Variants in VTI1A observed in about 807,000 individuals in gnomAD.
VTI1A encodes vesicle transport through interaction with t-SNAREs 1A.
A neutral mutation model predicts 34.9 loss-of-function variants in VTI1A; 22 were observed. That is an observed-to-expected ratio of 0.63 (90% CI 0.45 to 0.90). The LOEUF is 0.90. Ranked by LOEUF, VTI1A falls within the 40% of genes least tolerant of loss-of-function variation. VTI1A has a pLI of 0.00. For synonymous variants in VTI1A, 87 were observed against 97.3 expected (o/e 0.89, Z 0.62); for missense variants, 268 against 275.6 (o/e 0.97, Z 0.20).
At chr10:112,527,215 T>C in intron 4 of VTI1A, 51 bp downstream of exon 4, 10 of 1,527,192 alleles carry the variant, frequency 6.5e-6, no homozygotes, top group Non-Finnish European at 8.2e-6. Flanking sequence ...GTGAAGGAGG[T>C]CACTGGCGCA....
At chr10:112,674,400 T>C (rs972350693) in intron 7 of VTI1A, among the ~76,000 whole-genome samples, 6 of 152,224 alleles carry the variant, frequency 3.9e-5, no homozygotes, top group Non-Finnish European at 7.3e-5. Context: ...TTTGTGTGCA[T>C]AAGTTTATTT....
intron 5 of VTI1A, among the ~76,000 whole-genome samples, chr10:112,564,678 A>G (rs1851848464): frequency 6.6e-6 from 1 of 152,068 alleles, no homozygotes; most frequent in South Asian, 2.1e-4. Flanking sequence ...TTAGCAGCCA[A>G]CTCTGCATGA....
chr10:112,806,422 A>T (rs1237133089), intron 7 of VTI1A, among the ~76,000 whole-genome samples: 2 of 151,944 alleles, frequency 1.3e-5, no homozygotes, highest in African/African-American at 4.8e-5. Context: ...AGGAGCTGGG[A>T]CTACAGGCAC....
the VTI1A span, among the ~76,000 whole-genome samples, chr10:112,849,556 G>C: frequency 6.6e-6 from 1 of 152,222 alleles, no homozygotes. Context: ...CGATGATGGA[G>C]GGCTCTGCCT....
At chr10:112,454,484 C>T (rs1847356126) in intron 1 of VTI1A, among the ~76,000 whole-genome samples, 1 of 152,144 alleles carries the variant, frequency 6.6e-6, no homozygotes, top group East Asian at 1.9e-4. Context: ...CACCTGTCAT[C>T]CCAGCTACTC....
At chr10:112,607,515 C>T (rs1024586425) in intron 5 of VTI1A, among the ~76,000 whole-genome samples, 8 of 152,168 alleles carry the variant, frequency 5.3e-5, no homozygotes, top group Admixed American at 2.6e-4. Flanking sequence ...AGCACAGTGC[C>T]TGGCCTAAAA....
chr10:112,660,575 T>G (rs893546123), intron 5 of VTI1A, among the ~76,000 whole-genome samples: 1 of 152,222 alleles, frequency 6.6e-6, no homozygotes, highest in Non-Finnish European at 1.5e-5. Flanking sequence ...TTGGAGATCA[T>G]TTTAGAGTTG....
chr10:112,702,892 T>C (rs1444806171), intron 7 of VTI1A, among the ~76,000 whole-genome samples: 1 of 152,208 alleles, frequency 6.6e-6, no homozygotes, highest in Non-Finnish European at 1.5e-5. Flanking sequence ...GGCTCTGCCC[T>C]ATTTTTTAAC....
chr10:112,702,560 C>T (rs1289145959), intron 7 of VTI1A, among the ~76,000 whole-genome samples: 1 of 151,948 alleles, frequency 6.6e-6, no homozygotes, highest in Admixed American at 6.6e-5. Context: ...GCTGGGATTA[C>T]AGGCGTGTGC....
At chr10:112,552,676 T>C (rs1851402649) in intron 5 of VTI1A, among the ~76,000 whole-genome samples, 1 of 152,168 alleles carries the variant, frequency 6.6e-6, no homozygotes, top group Non-Finnish European at 1.5e-5. Context: ...ATTGCCTCAC[T>C]GATACTGCCT....
At chr10:112,652,607 G>T (rs1402812146) in intron 5 of VTI1A, among the ~76,000 whole-genome samples, 1 of 151,800 alleles carries the variant, frequency 6.6e-6, no homozygotes, top group Non-Finnish European at 1.5e-5. Context: ...TTCACTTGTG[G>T]TCCCAGCTAC....
chr10:112,702,807 A>C lies in VTI1A; in HGVS notation c.560+33809A>C, dbSNP rs568897548. ...CACCATATTGGCCAGGCTGGTGTTG[A>C]ACTCCTAGGCTCAATGGATCCACCC... On this transcript the variant is annotated intron_variant, in intron 7 of 7. Transcript: ENST00000393077. Among the ~76,000 whole-genome samples the C allele has an allele frequency of 1.7e-4, 26 of 152,290 alleles. 1 individual carries two copies. The South Asian group carries it at 5.2e-3, about 30-fold the overall frequency.
intron 5 of VTI1A, among the ~76,000 whole-genome samples, chr10:112,572,795 C>T (rs914606690): frequency 6.0e-5 from 9 of 149,742 alleles, no homozygotes; most frequent in African/African-American, 2.0e-4. Flanking sequence ...GCCGAGATCG[C>T]GCCACTACAC....
At chr10:112,495,631 A>G (rs897978547) in intron 3 of VTI1A, among the ~76,000 whole-genome samples, 7 of 152,212 alleles carry the variant, frequency 4.6e-5, no homozygotes, top group African/African-American at 1.4e-4. Context: ...AGTTCAGAAG[A>G]GAGTTAAATA....
At chr10:112,518,547 TTCTCTCTCTCTCTCTCTCTCTCTC>T (rs57853028) in intron 3 of VTI1A, among the ~76,000 whole-genome samples, 5 of 101,532 alleles carry the variant, frequency 4.9e-5, no homozygotes, top group African/African-American at 1.2e-4. Context: ...TCATATCTCT[TTCTCTCTCTCTCTCTCTCTCTCTC>T]TCTCTCTCTC....
At chr10:112,728,515 A>G (rs1262725596) in intron 7 of VTI1A, among the ~76,000 whole-genome samples, 4 of 152,228 alleles carry the variant, frequency 2.6e-5, no homozygotes, top group Non-Finnish European at 5.9e-5. Context: ...GAAATGCACA[A>G]TAGCTAAAGT....
downstream of VTI1A, among the ~76,000 whole-genome samples, chr10:112,823,172 C>T (rs1853684800): frequency 6.6e-6 from 1 of 152,212 alleles, no homozygotes; most frequent in African/African-American, 2.4e-5. Flanking sequence ...GCAAAGGAGC[C>T]CCGCTGAGGC....
chr10:112,701,735 G>A (rs917673710), intron 7 of VTI1A, among the ~76,000 whole-genome samples: 5 of 152,092 alleles, frequency 3.3e-5, no homozygotes, highest in Admixed American at 2.6e-4. Context: ...CAGTCCTAGG[G>A]GAATGTTGGT....
rs150423906 is a variant in VTI1A, at chr10:112,818,380, A to T, written c.*2997A>T. The T allele has an allele frequency of 4.3e-6, 1 of 232,878 alleles. No homozygotes were observed. The highest frequency in any genetic ancestry group is 2.2e-5 in the African/African-American group (1 of 45,436). 14.4% of individuals were successfully genotyped at this position (232,878 alleles called of 1,614,324 possible). A position where few individuals can be genotyped will look rare whatever the true frequency, so the allele number is the denominator to read the frequency against. On this transcript the variant is annotated 3_prime_UTR_variant, in exon 8 of 8. Coordinates refer to ENST00000393077, the MANE Select transcript of VTI1A (RefSeq NM_145206.4). Reference sequence around the variant, plus strand: ...TACCAAACAGCATCCAGAGATTATCAACCCATAGAAGAAGGGAGGGGAAAA... The same window carrying T: ...TACCAAACAGCATCCAGAGATTATCTACCCATAGAAGAAGGGAGGGGAAAA...
Sources: gnomAD v4.1 joint callset for allele counts (sites outside exome capture counted in the v4.1 genomes callset) on GRCh38, gnomAD v4.1.1 for gene constraint, MANE v1.5 for transcripts, NCBI Gene and HGNC (gene_info 2026-07-23, HGNC 2026-07-21) for gene names.